Variants in OPCML observed in about 807,000 individuals in gnomAD.
OPCML encodes opioid-binding protein/cell adhesion molecule.
OPCML carries 13 observed loss-of-function variants against 37.8 expected under a neutral mutation model. That is an observed-to-expected ratio of 0.34 (90% CI 0.22 to 0.55). The LOEUF is 0.55. Among genes scored for constraint, OPCML ranks in the 20% least tolerant of loss-of-function variants. The pLI is 0.91. For synonymous variants in OPCML, 176 were observed against 168.8 expected, an observed-to-expected ratio of 1.04 and a Z score of -0.33; for missense variants, 341 against 435.6, an observed-to-expected ratio of 0.78 and a Z score of 1.93.
At chr11:132,901,184 A>AAAAT (rs1400441486) in intron 2 of OPCML, among the ~76,000 whole-genome samples, 7 of 152,084 alleles carry the variant, frequency 4.6e-5, no homozygotes, top group Non-Finnish European at 8.8e-5. Flanking sequence ...TGTCTCTCAA[A>AAAAT]AAATAAATAA....
At chr11:133,429,642 AG>A (rs1270635161) in intron 1 of OPCML, among the ~76,000 whole-genome samples, 4 of 152,190 alleles carry the variant, frequency 2.6e-5, no homozygotes, top group Admixed American at 2.6e-4. Flanking sequence ...TAGAGTCAAC[AG>A]GATTTACTGA....
chr11:132,517,701 A>G (rs1324806612), intron 4 of OPCML, among the ~76,000 whole-genome samples: 1 of 152,246 alleles, frequency 6.6e-6, no homozygotes, highest in Non-Finnish European at 1.5e-5. Context: ...TACAGCAGGC[A>G]GCAATGGGTG....
intron 3 of OPCML, among the ~76,000 whole-genome samples, chr11:132,552,763 CTTT>C (rs562056846): frequency 2.2e-5 from 2 of 92,778 alleles, no homozygotes; most frequent in Non-Finnish European, 2.0e-5. Flanking sequence ...AAACACTACT[CTTT>C]TTTTTTTTTT....
At chr11:133,157,731 G>A (rs1950081955) in intron 1 of OPCML, among the ~76,000 whole-genome samples, 2 of 152,172 alleles carry the variant, frequency 1.3e-5, no homozygotes, top group Non-Finnish European at 2.9e-5. Context: ...GTACCCATCT[G>A]TCTAAACAAC....
At chr11:132,677,271 T>C (rs1439780693) in intron 2 of OPCML, among the ~76,000 whole-genome samples, 1 of 152,086 alleles carries the variant, frequency 6.6e-6, no homozygotes, top group Admixed American at 6.6e-5. Context: ...TGAAGAGGTG[T>C]TCCATGTTCA....
intron 2 of OPCML, among the ~76,000 whole-genome samples, chr11:132,780,828 A>C (rs1459762722): frequency 6.6e-6 from 1 of 152,228 alleles, no homozygotes; most frequent in Non-Finnish European, 1.5e-5. Flanking sequence ...CACTGTCTTC[A>C]CTGGTAAACA....
rs151034225 is a variant in OPCML, at chr11:132,843,168, C to T, written c.146+99758G>A. Among the ~76,000 whole-genome samples, 422 of 148,506 alleles carry T rather than the reference C, an allele frequency of 2.8e-3. 3 individuals are homozygous for T. The highest frequency in any genetic ancestry group is 9.9e-3 in the African/African-American group (401 of 40,340). Reference sequence around the variant, plus strand: ...GGAGTGCAATGGCACAATCTAGGCTCACCGCAACCTCTGTCTCCCGGGTTC... The same window carrying T: ...GGAGTGCAATGGCACAATCTAGGCTTACCGCAACCTCTGTCTCCCGGGTTC... On this transcript the variant is annotated intron_variant, in intron 2 of 7. Transcript: ENST00000524381.
chr11:133,122,862 A>C (rs1439861019), intron 1 of OPCML, among the ~76,000 whole-genome samples: 1 of 152,198 alleles, frequency 6.6e-6, no homozygotes, highest in Non-Finnish European at 1.5e-5. Flanking sequence ...CTGCTATGGC[A>C]TTTGGCCCTA....
Position 133,211,881 on chromosome 11 carries a change from G to A in OPCML, c.62-268871C>T, listed in dbSNP as rs1436956896. Reference sequence around the variant, plus strand: ...TCTTCAAGATAGGGAGTTAAAGAATGCAAAGTTGAAGCCAAGACTGTCTGC... The same window carrying A: ...TCTTCAAGATAGGGAGTTAAAGAATACAAAGTTGAAGCCAAGACTGTCTGC... On this transcript the variant is annotated intron_variant, in intron 1 of 7. Transcript: ENST00000524381. The surrounding 1 kb of genome is among the most constrained non-coding windows in gnomAD (Gnocchi z 4.1). 1.3e-5 allele frequency among the ~76,000 whole-genome samples: 2 copies of A among 152,186 alleles called. No individual in the cohort carries two copies. Among genetic ancestry groups the A allele is most frequent in the Admixed American group, 6.5e-5 (1 of 15,274 alleles).
At chr11:132,800,676 T>C (rs1484635982) in intron 2 of OPCML, among the ~76,000 whole-genome samples, 1 of 152,330 alleles carries the variant, frequency 6.6e-6, no homozygotes, top group East Asian at 1.9e-4. Flanking sequence ...AAATAGATTT[T>C]GTCTATTACT....
chr11:132,865,794 TTTA>T (rs1169785015), intron 2 of OPCML, among the ~76,000 whole-genome samples: 2 of 152,192 alleles, frequency 1.3e-5, no homozygotes, highest in African/African-American at 2.4e-5. Flanking sequence ...TTTCAGTGGT[TTTA>T]TTATTATTAG....
At chr11:133,344,809 C>T (rs757989210) in intron 1 of OPCML, among the ~76,000 whole-genome samples, 1 of 152,178 alleles carries the variant, frequency 6.6e-6, no homozygotes, top group Admixed American at 6.5e-5. Context: ...TCCATCATGA[C>T]AACCCCTGCC....
intron 3 of OPCML, among the ~76,000 whole-genome samples, chr11:132,541,956 A>T (rs530513956): frequency 1.3e-5 from 2 of 152,322 alleles, no homozygotes; most frequent in African/African-American, 4.8e-5. Flanking sequence ...GTCATACCAA[A>T]AGCACCTGTT....
chr11:133,419,161 T>G (rs76608581), intron 1 of OPCML: 39,697 of 759,968 alleles, frequency 0.052, 1,850 homozygotes, highest in African/African-American at 0.2. Context: ...CCTTCTCTAC[T>G]GCAATAGCAC....
chr11:133,081,739 C>T (rs994423632), intron 1 of OPCML, among the ~76,000 whole-genome samples: 4 of 152,146 alleles, frequency 2.6e-5, no homozygotes, highest in African/African-American at 7.2e-5. Flanking sequence ...GTACTCATCA[C>T]CCAATCCAGA....
At chr11:132,579,385 A>ATGTGTGTGTGTGTG (rs66467384) in intron 3 of OPCML, among the ~76,000 whole-genome samples, 6 of 146,630 alleles carry the variant, frequency 4.1e-5, no homozygotes, top group East Asian at 2.0e-4. Flanking sequence ...TAGAATGAAT[A>ATGTGTGTGTGTGTG]TGTGTGTGTG....
chr11:132,693,997 T>C (rs188074061), intron 2 of OPCML, among the ~76,000 whole-genome samples: 1 of 152,074 alleles, frequency 6.6e-6, no homozygotes, highest in Admixed American at 6.6e-5. Context: ...ACCAGATTGG[T>C]TCCAGAAATT....
intron 1 of OPCML, among the ~76,000 whole-genome samples, chr11:133,226,189 C>G (rs1352479310): frequency 6.6e-6 from 1 of 152,262 alleles, no homozygotes; most frequent in Non-Finnish European, 1.5e-5. Context: ...CAAATATTCC[C>G]TATGTCTCCA....
intron 1 of OPCML, among the ~76,000 whole-genome samples, chr11:133,349,808 A>G (rs1944087720): frequency 6.6e-6 from 1 of 152,178 alleles, no homozygotes; most frequent in Non-Finnish European, 1.5e-5. Flanking sequence ...AAAAAAAAAT[A>G]TTTTGACTTA....
Sources: allele counts gnomAD v4.1 joint callset (sites outside exome capture counted in the v4.1 genomes callset), GRCh38; gene constraint gnomAD v4.1.1; non-coding constraint Gnocchi (gnomAD v3.1); transcripts MANE v1.5; gene names NCBI Gene and HGNC (gene_info 2026-07-23, HGNC 2026-07-21).